KIF6: variants seen among roughly 807,000 people sequenced by gnomAD.
KIF6 encodes kinesin-like protein KIF6.
In KIF6, 106 loss-of-function variants were observed where a neutral mutation model predicts 112.7. The observed-to-expected ratio is 0.94, with a 90% CI of 0.80 to 1.11. The LOEUF is 1.11. KIF6 is among the 50% of genes least tolerant of loss of function. The pLI, the probability that KIF6 is intolerant of heterozygous loss-of-function variation, is 0.00. For missense variants in KIF6, 929 were observed against 964.0 expected, an observed-to-expected ratio of 0.96 and a Z score of 0.48; for synonymous variants, 339 against 339.9, an observed-to-expected ratio of 1.00 and a Z score of 0.03.
At chr6:39,717,512 C>T (rs946822082) in intron 2 of KIF6, among the ~76,000 whole-genome samples, 1 of 152,148 alleles carries the variant, frequency 6.6e-6, no homozygotes, top group African/African-American at 2.4e-5. Context: ...TTAAATGTTG[C>T]AACCATTCCT....
intron 14 of KIF6, among the ~76,000 whole-genome samples, chr6:39,421,435 C>T (rs918764822): frequency 1.3e-5 from 2 of 152,184 alleles, no homozygotes; most frequent in African/African-American, 2.4e-5. Flanking sequence ...TCTAATATCC[C>T]GGCAAATCCC....
intron 15 of KIF6, among the ~76,000 whole-genome samples, chr6:39,406,179 T>C (rs141341481): frequency 9.3e-4 from 141 of 152,076 alleles, no homozygotes; most frequent in African/African-American, 3.2e-3. Flanking sequence ...TGCTACCATA[T>C]TCAGCTAATT....
chr6:39,404,535 T>C (rs566092900), intron 15 of KIF6, among the ~76,000 whole-genome samples: 2 of 152,376 alleles, frequency 1.3e-5, no homozygotes, highest in East Asian at 1.9e-4. Flanking sequence ...TACATATCTA[T>C]TCTTTTGCCA....
chr6:39,620,362 C>T (rs1282281988), intron 5 of KIF6: 1 of 152,100 alleles, frequency 6.6e-6, no homozygotes, highest in East Asian at 1.9e-4. Flanking sequence ...AAATTATGTA[C>T]TCAAGTTTTC....
At chr6:39,654,111 C>A (rs566450860) in intron 3 of KIF6, among the ~76,000 whole-genome samples, 14 of 152,036 alleles carry the variant, frequency 9.2e-5, no homozygotes, top group Non-Finnish European at 1.8e-4. Flanking sequence ...CCGATAGTAA[C>A]GAGAGGCTAA....
At chr6:39,623,613 G>A (rs1157263999) in intron 5 of KIF6, among the ~76,000 whole-genome samples, 1 of 152,116 alleles carries the variant, frequency 6.6e-6, no homozygotes, top group Non-Finnish European at 1.5e-5. Flanking sequence ...AATACTAATA[G>A]ATAATAGCTG....
chr6:39,369,573 A>G (rs890092744), intron 16 of KIF6, among the ~76,000 whole-genome samples: 2 of 152,242 alleles, frequency 1.3e-5, no homozygotes, highest in Admixed American at 6.5e-5. Flanking sequence ...CTTCCCTGCT[A>G]CGACTGTGGG....
chr6:39,398,044 A>C (rs1274459380), intron 15 of KIF6, among the ~76,000 whole-genome samples: 1 of 152,194 alleles, frequency 6.6e-6, no homozygotes, highest in East Asian at 1.9e-4. Context: ...AGGGATAGTA[A>C]ATGGAGGCTA....
At chr6:39,533,929 G>A (rs903497615) in intron 13 of KIF6, among the ~76,000 whole-genome samples, 10 of 152,182 alleles carry the variant, frequency 6.6e-5, no homozygotes, top group East Asian at 1.9e-4. Flanking sequence ...TGCAGCCACC[G>A]CTACTGATAC....
intron 22 of KIF6, among the ~76,000 whole-genome samples, chr6:39,337,140 C>CT (rs1762981321): frequency 1.7e-5 from 2 of 116,936 alleles, no homozygotes; most frequent in African/African-American, 6.6e-5. Flanking sequence ...TCCTTCCTTC[C>CT]TTCCTTTCTC....
chr6:39,340,320 C>T (rs1330534900), intron 22 of KIF6, among the ~76,000 whole-genome samples: 2 of 150,092 alleles, frequency 1.3e-5, no homozygotes, highest in Non-Finnish European at 2.9e-5. Context: ...AGCTCCCCAG[C>T]TGCAGGGTGG....
At chr6:39,434,217 T>C (rs1581848488) in intron 13 of KIF6, among the ~76,000 whole-genome samples, 1 of 152,022 alleles carries the variant, frequency 6.6e-6, no homozygotes, top group Admixed American at 6.6e-5. Flanking sequence ...AAGTTGAACA[T>C]TAAAGCTTTG....
At position 39,346,085 on chromosome 6, in the gene KIF6, T is replaced by TCTCTCTCCCTCTC. The variant is rs1212794740; in HGVS notation, c.2232-297_2232-296insGAGAGGGAGAGAG. Among the ~76,000 whole-genome samples the TCTCTCTCCCTCTC allele has an allele frequency of 1.9e-4, 4 of 21,598 alleles. 1 individual carries two copies. The highest frequency in any genetic ancestry group is 2.4e-4 in the Non-Finnish European group (3 of 12,474). The allele number at this position is 21,598 out of a possible 152,430, so 14.2% of individuals were successfully genotyped here. On this transcript the variant is annotated intron_variant, in intron 20 of 22. Coordinates refer to ENST00000287152, the MANE Select transcript of KIF6 (RefSeq NM_145027.6). ...CTCTCTCTCTCTCTCTCTCTCTCTCTCCCCCCCCTCTCCCTCCCCCCCTCC... is the reference window on the plus strand; with the variant it reads ...CTCTCTCTCTCTCTCTCTCTCTCTCTCTCTCTCCCTCTCCCCCCCCCTCTCCCTCCCCCCCTCC...
intron 3 of KIF6, among the ~76,000 whole-genome samples, chr6:39,684,275 G>C (rs1414201563): frequency 6.6e-6 from 1 of 152,166 alleles, no homozygotes; most frequent in Non-Finnish European, 1.5e-5. Flanking sequence ...GCCAAGGCAG[G>C]TGGTTTGCTT....
chr6:39,488,627 A>C (rs1311712966), intron 13 of KIF6, among the ~76,000 whole-genome samples: 1 of 152,194 alleles, frequency 6.6e-6, no homozygotes, highest in Non-Finnish European at 1.5e-5. Flanking sequence ...TTGACTCCCT[A>C]GGACCTGACA....
intron 3 of KIF6, among the ~76,000 whole-genome samples, chr6:39,665,753 A>T (rs1786428547): frequency 6.6e-6 from 1 of 152,162 alleles, no homozygotes; most frequent in Non-Finnish European, 1.5e-5. Flanking sequence ...TCCTTGCAGA[A>T]TATGTTCACA....
At chr6:39,380,448 T>C (rs776959451) in intron 16 of KIF6, among the ~76,000 whole-genome samples, 1 of 152,144 alleles carries the variant, frequency 6.6e-6, no homozygotes, top group Non-Finnish European at 1.5e-5. Flanking sequence ...GTATCTTGGG[T>C]GAGTTGTAAA....
intron 6 of KIF6, among the ~76,000 whole-genome samples, chr6:39,607,664 A>G (rs1782967518): frequency 6.6e-6 from 1 of 152,110 alleles, no homozygotes; most frequent in Non-Finnish European, 1.5e-5. Context: ...GGGCTCAAGC[A>G]ATCCTCCTGC....
chr6:39,639,899 A>T (rs187294657), intron 3 of KIF6, 142 bp from the exon 4 acceptor site: 1 of 639,076 alleles, frequency 1.6e-6, no homozygotes, highest in African/African-American at 1.9e-5. Context: ...ATATATGTGA[A>T]TATCTAGCTA....
Sources: allele counts gnomAD v4.1 joint callset (sites outside exome capture counted in the v4.1 genomes callset), GRCh38; gene constraint gnomAD v4.1.1; transcripts MANE v1.5; gene names NCBI Gene and HGNC (gene_info 2026-07-23, HGNC 2026-07-21).